The following CSRNP3 variants were observed in gnomAD, a reference collection of about 807,000 sequenced individuals.
CSRNP3 encodes cysteine/serine-rich nuclear protein 3.
A neutral mutation model predicts 48.0 loss-of-function variants in CSRNP3; 12 were observed. The observed-to-expected ratio is 0.25, with a 90% CI of 0.16 to 0.41. CSRNP3 has a LOEUF of 0.41. Among genes scored for constraint, CSRNP3 ranks in the 10% least tolerant of loss-of-function variants. CSRNP3 has a pLI of 1.00. For missense variants in CSRNP3, 580 were observed against 724.4 expected, an observed-to-expected ratio of 0.80 and a Z score of 2.29; for synonymous variants, 263 against 269.7, an observed-to-expected ratio of 0.98 and a Z score of 0.24.
At chr2:165,635,209 C>T (rs1686607731) in intron 4 of CSRNP3, among the ~76,000 whole-genome samples, 1 of 152,176 alleles carries the variant, frequency 6.6e-6, no homozygotes, top group African/African-American at 2.4e-5. Flanking sequence ...GTGAGGGCAT[C>T]CTCTTATTTT....
intron 3 of CSRNP3, among the ~76,000 whole-genome samples, chr2:165,543,315 C>A (rs1407829312): frequency 6.6e-6 from 1 of 151,928 alleles, no homozygotes; most frequent in Non-Finnish European, 1.5e-5. Context: ...AAGAAAATTT[C>A]TTGTAACCAT....
Position 165,688,923 on chromosome 2 carries a change from A to G in CSRNP3, c.*9170A>G, listed in dbSNP as rs1196591723. On this transcript the variant is annotated 3_prime_UTR_variant, in exon 7 of 7. Coordinates refer to ENST00000651982, the MANE Select transcript of CSRNP3 (RefSeq NM_001172173.2). ...TTTACTCAATATCAACAGTACTTCA[A>G]TAGATATTTATTAGTTATGTTCAAT... is the stretch of plus-strand genomic sequence containing the variant. 1 of 152,132 alleles carries G rather than the reference A, an allele frequency of 6.6e-6. No individual in the cohort carries two copies. Among genetic ancestry groups the G allele is most frequent in the African/African-American group, 2.4e-5 (1 of 41,432 alleles). The allele number at this position is 152,132 out of a possible 1,614,324, so 9.4% of individuals were successfully genotyped here.
At chr2:165,486,423 C>T (rs1182408420) in intron 1 of CSRNP3, among the ~76,000 whole-genome samples, 1 of 150,280 alleles carries the variant, frequency 6.7e-6, no homozygotes. Context: ...CCAGGAAGCT[C>T]GAACTGGGTG....
intron 4 of CSRNP3, among the ~76,000 whole-genome samples, chr2:165,647,395 TA>T (rs772926550): frequency 6.6e-6 from 1 of 152,182 alleles, no homozygotes; most frequent in South Asian, 2.1e-4. Flanking sequence ...AACCAGCCTT[TA>T]AAAATGAAAA....
intron 3 of CSRNP3, chr2:165,572,658 T>A (rs992921059): frequency 6.6e-6 from 1 of 152,204 alleles, no homozygotes; most frequent in Non-Finnish European, 1.5e-5. Flanking sequence ...TGGGCTGGTG[T>A]GTTTTGCCTT....
chr2:165,598,215 A>G (rs937899118), intron 4 of CSRNP3, among the ~76,000 whole-genome samples: 1 of 152,208 alleles, frequency 6.6e-6, no homozygotes, highest in Non-Finnish European at 1.5e-5. Flanking sequence ...TAACTCATTC[A>G]ATTAATTTAT....
At chr2:165,559,992 G>A (rs1342679251) in intron 3 of CSRNP3, among the ~76,000 whole-genome samples, 1 of 151,200 alleles carries the variant, frequency 6.6e-6, no homozygotes, top group African/African-American at 2.4e-5. Context: ...GTAGAGACGG[G>A]GTTTCACCAA....
chr2:165,656,039 A>G (rs1020086356), intron 4 of CSRNP3, among the ~76,000 whole-genome samples: 1 of 152,202 alleles, frequency 6.6e-6, no homozygotes, highest in Non-Finnish European at 1.5e-5. Flanking sequence ...AGCAGATAGG[A>G]AAAAAATAAT....
intron 4 of CSRNP3, among the ~76,000 whole-genome samples, chr2:165,604,310 C>T (rs545297281): frequency 6.6e-6 from 1 of 152,264 alleles, no homozygotes. Flanking sequence ...CTACCTGGTG[C>T]TGGTTCAATT....
At chr2:165,623,784 T>G (rs2105320333) in intron 4 of CSRNP3, among the ~76,000 whole-genome samples, 1 of 152,318 alleles carries the variant, frequency 6.6e-6, no homozygotes, top group Middle Eastern at 3.4e-3. Context: ...AATTCCTACT[T>G]CTGAAACTTG....
intron 3 of CSRNP3, among the ~76,000 whole-genome samples, chr2:165,518,463 G>A (rs1485190366): frequency 6.6e-6 from 1 of 151,880 alleles, no homozygotes; most frequent in Non-Finnish European, 1.5e-5. Context: ...TCGATAAAAT[G>A]ACAATTAATA....
At chr2:165,522,243 G>A (rs1684673220) in intron 3 of CSRNP3, among the ~76,000 whole-genome samples, 1 of 152,086 alleles carries the variant, frequency 6.6e-6, no homozygotes, top group Non-Finnish European at 1.5e-5. Flanking sequence ...GGTGAGCTGA[G>A]ATCATGCCAC....
intron 4 of CSRNP3, among the ~76,000 whole-genome samples, chr2:165,623,452 C>G (rs1200844656): frequency 6.6e-6 from 1 of 152,162 alleles, no homozygotes; most frequent in Non-Finnish European, 1.5e-5. Context: ...CCATCCCTCC[C>G]CAGTCCGTGG....
chr2:165,631,808 C>G (rs1187721976), intron 4 of CSRNP3, among the ~76,000 whole-genome samples: 3 of 152,242 alleles, frequency 2.0e-5, no homozygotes, highest in Non-Finnish European at 4.4e-5. Context: ...CAACTACTCT[C>G]ACTCATCTAC....
intron 4 of CSRNP3, among the ~76,000 whole-genome samples, chr2:165,618,176 G>A (rs1441470965): frequency 6.6e-6 from 1 of 152,192 alleles, no homozygotes; most frequent in Non-Finnish European, 1.5e-5. Context: ...TAGGATTGCA[G>A]GTATCTATGA....
rs183472937 is a variant in CSRNP3, at chr2:165,677,219, T to C, written c.705+611T>C. Among the ~76,000 whole-genome samples, 477 of 152,312 alleles carry C rather than the reference T, an allele frequency of 3.1e-3. 8 individuals are homozygous for C. The highest frequency in any genetic ancestry group is 0.011 in the African/African-American group (465 of 41,574). Reference sequence around the variant, plus strand: ...CGACCTTGCCACATGATTTTGTAAATAAAGTTTTATTGGATCACAGCCACA... The same window carrying C: ...CGACCTTGCCACATGATTTTGTAAACAAAGTTTTATTGGATCACAGCCACA... On this transcript the variant is annotated intron_variant, in intron 6 of 6. Transcript: ENST00000651982.
At position 165,682,555 on chromosome 2, in the gene CSRNP3, T is replaced by C. The variant is rs1297146848; in HGVS notation, c.*2802T>C. 1 of 152,130 alleles carries C rather than the reference T, an allele frequency of 6.6e-6. No homozygotes were observed. The highest frequency in any genetic ancestry group is 1.5e-5 in the Non-Finnish European group (1 of 68,012). 9.4% of individuals were successfully genotyped at this position (152,130 alleles called of 1,614,324 possible). A position where few individuals can be genotyped will look rare whatever the true frequency, so the allele number is the denominator to read the frequency against. On this transcript the variant is annotated 3_prime_UTR_variant, in exon 7 of 7. Transcript: ENST00000651982. Reference sequence around the variant, plus strand: ...CTAACCCCAGAATCTGGTTGGGCTTTATGATCTAAAAAAATGTGGTTTAGA... The same window carrying C: ...CTAACCCCAGAATCTGGTTGGGCTTCATGATCTAAAAAAATGTGGTTTAGA...
At chr2:165,619,210 A>C (rs1686299399) in intron 4 of CSRNP3, among the ~76,000 whole-genome samples, 1 of 152,206 alleles carries the variant, frequency 6.6e-6, no homozygotes, top group South Asian at 2.1e-4. Flanking sequence ...GATTGTTCCT[A>C]GAAGACGACA....
intron 1 of CSRNP3, among the ~76,000 whole-genome samples, chr2:165,484,119 T>G (rs1371345085): frequency 1.3e-5 from 2 of 152,148 alleles, no homozygotes; most frequent in Non-Finnish European, 2.9e-5. Flanking sequence ...TTTATTTTAT[T>G]ATTTTTGAGA....
Sources: allele counts gnomAD v4.1 joint callset (sites outside exome capture counted in the v4.1 genomes callset), GRCh38; gene constraint gnomAD v4.1.1; transcripts MANE v1.5; gene names NCBI Gene and HGNC (gene_info 2026-07-23, HGNC 2026-07-21).